DISC1: variants seen among roughly 807,000 people sequenced by gnomAD.
DISC1 encodes the protein DISC1 scaffold protein, also known as disrupted in schizophrenia 1 protein.
Under a neutral mutation model 84.5 loss-of-function variants are expected in DISC1, and 57 were observed. That is an observed-to-expected ratio of 0.67 (90% CI 0.55 to 0.84). The LOEUF is 0.84. Among genes scored for constraint, DISC1 ranks in the 40% least tolerant of loss-of-function variants. The pLI, the probability that DISC1 is intolerant of heterozygous loss-of-function variation, is 0.00. For synonymous variants in DISC1, 411 were observed against 415.2 expected (o/e 0.99, Z 0.12); for missense variants, 1,000 against 1,057.8 (o/e 0.95, Z 0.76).
chr1:231,702,959 G>A (rs111534090), intron 3 of DISC1, among the ~76,000 whole-genome samples: 28 of 152,334 alleles, frequency 1.8e-4, no homozygotes, highest in African/African-American at 6.5e-4. Context: ...GAAATGGAAT[G>A]TAGGTTTAAG....
At chr1:231,750,107 CT>C (rs1232504464) in intron 4 of DISC1, 31 bp downstream of exon 4, 1 of 1,602,122 alleles carries the variant, frequency 6.2e-7, no homozygotes, top group Non-Finnish European at 8.5e-7. Flanking sequence ...CCATTTTCCC[CT>C]CATGTTTCTT....
At chr1:231,819,068 C>T (rs969338282) in intron 9 of DISC1, 5 of 986,836 alleles carry the variant, frequency 5.1e-6, no homozygotes, top group African/African-American at 3.5e-5. Flanking sequence ...CTTTTCCAGT[C>T]GTTAGGAGTA....
At chr1:231,923,307 C>CAAAAAAAAAA (rs1461560372) in intron 9 of DISC1, among the ~76,000 whole-genome samples, 13 of 138,504 alleles carry the variant, frequency 9.4e-5, no homozygotes, top group African/African-American at 2.2e-4. Flanking sequence ...CAAAAAAAAC[C>CAAAAAAAAAA]AAAAAAAAAA....
At chr1:231,871,598 A>G (rs1243154139) in intron 9 of DISC1, among the ~76,000 whole-genome samples, 1 of 152,244 alleles carries the variant, frequency 6.6e-6, no homozygotes, top group African/African-American at 2.4e-5. Context: ...AGGTTCTACC[A>G]TAGTTAGCCA....
At chr1:231,821,158 C>T (rs2081465663) in intron 9 of DISC1, among the ~76,000 whole-genome samples, 1 of 152,132 alleles carries the variant, frequency 6.6e-6, no homozygotes, top group African/African-American at 2.4e-5. Context: ...AATATTTGTT[C>T]ATTTACTGGG....
chr1:231,846,001 G>A (rs1328666072), intron 9 of DISC1, among the ~76,000 whole-genome samples: 1 of 152,050 alleles, frequency 6.6e-6, no homozygotes, highest in East Asian at 1.9e-4. Flanking sequence ...CAGAGAAGGG[G>A]GATGTCCCAG....
intron 4 of DISC1, among the ~76,000 whole-genome samples, chr1:231,757,014 G>T (rs1161560671): frequency 6.6e-6 from 1 of 152,144 alleles, no homozygotes; most frequent in Non-Finnish European, 1.5e-5. Flanking sequence ...ACAGCCCAGA[G>T]CCTGGACAGA....
At chr1:231,909,915 G>A (rs527527516) in intron 9 of DISC1, among the ~76,000 whole-genome samples, 16 of 152,216 alleles carry the variant, frequency 1.1e-4, no homozygotes, top group Non-Finnish European at 2.4e-4. Flanking sequence ...GAGGATGTAT[G>A]TGTCCAGGAA....
chr1:231,795,715 C>G (rs2078706216), intron 7 of DISC1, among the ~76,000 whole-genome samples: 1 of 152,196 alleles, frequency 6.6e-6, no homozygotes, highest in South Asian at 2.1e-4. Flanking sequence ...ATTGTGAAAC[C>G]CCGTCTCTCC....
chr1:231,965,715 C>T (rs1465670038), intron 10 of DISC1, among the ~76,000 whole-genome samples: 1 of 152,252 alleles, frequency 6.6e-6, no homozygotes, highest in Non-Finnish European at 1.5e-5. Flanking sequence ...ACTGATGCTC[C>T]ATTCTAGCCC....
At chr1:231,834,600 G>A (rs2082492901) in intron 9 of DISC1, among the ~76,000 whole-genome samples, 1 of 152,124 alleles carries the variant, frequency 6.6e-6, no homozygotes, top group Admixed American at 6.5e-5. Context: ...AAGAAAATAA[G>A]GCATTTAGGT....
intron 1 of DISC1, among the ~76,000 whole-genome samples, chr1:231,643,508 C>G (rs1348240338): frequency 6.6e-6 from 1 of 152,190 alleles, no homozygotes. Flanking sequence ...ACAGAGAATA[C>G]TAGCTACCTC....
At position 231,814,057 on chromosome 1, in the gene DISC1, T is replaced by G. The variant is rs904321394; in HGVS notation, c.1793-4272T>G. Among the ~76,000 whole-genome samples the G allele has an allele frequency of 2.6e-5, 4 of 152,316 alleles. 1 individual carries two copies. Among genetic ancestry groups the G allele is most frequent in the Middle Eastern group, 6.8e-3 (2 of 294 alleles). On this transcript the variant is annotated intron_variant, in intron 8 of 12. Transcript: ENST00000439617. Reference sequence around the variant, plus strand: ...GGAAACTATGGACTTCAGTGACAGATGTTATGTGCTAGGTTTCAGAATGCC... The same window carrying G: ...GGAAACTATGGACTTCAGTGACAGAGGTTATGTGCTAGGTTTCAGAATGCC...
At chr1:231,876,211 C>T (rs1294442160) in intron 9 of DISC1, among the ~76,000 whole-genome samples, 1 of 152,204 alleles carries the variant, frequency 6.6e-6, no homozygotes, top group Non-Finnish European at 1.5e-5. Context: ...CCGCATTGTA[C>T]TGTCCTCACG....
At chr1:231,994,808 T>C (rs1208103642) in intron 10 of DISC1, among the ~76,000 whole-genome samples, 2 of 152,218 alleles carry the variant, frequency 1.3e-5, no homozygotes, top group Non-Finnish European at 2.9e-5. Context: ...TTCCTATAAC[T>C]ATGAAGGGGA....
At chr1:231,723,157 A>G (rs2070097640) in intron 3 of DISC1, 1 of 889,378 alleles carries the variant, frequency 1.1e-6, no homozygotes, top group East Asian at 1.1e-4. Flanking sequence ...TCGGCCCTCC[A>G]TATCTGCAGG....
chr1:231,865,545 T>A (rs553301013), intron 9 of DISC1, among the ~76,000 whole-genome samples: 2 of 152,208 alleles, frequency 1.3e-5, no homozygotes, highest in Non-Finnish European at 2.9e-5. Flanking sequence ...CACTAACTGA[T>A]CTGTAGACTG....
At chr1:231,718,558 T>A (rs1394446318) in intron 3 of DISC1, among the ~76,000 whole-genome samples, 1 of 151,688 alleles carries the variant, frequency 6.6e-6, no homozygotes, top group African/African-American at 2.4e-5. Flanking sequence ...TGCCTCAGCC[T>A]CCCGAGTAGC....
intron 10 of DISC1, among the ~76,000 whole-genome samples, chr1:231,960,248 A>C (rs1040172357): frequency 2.0e-5 from 3 of 151,802 alleles, no homozygotes; most frequent in South Asian, 2.1e-4. Context: ...CCTTCTTCTT[A>C]TTTATTTATT....
Sources: gnomAD v4.1 joint callset for allele counts (sites outside exome capture counted in the v4.1 genomes callset) on GRCh38, gnomAD v4.1.1 for gene constraint, MANE v1.5 for transcripts, NCBI Gene and HGNC (gene_info 2026-07-23, HGNC 2026-07-21) for gene names.